The following CERS6 variants were observed in gnomAD, a reference collection of about 807,000 sequenced individuals.
The protein encoded by CERS6 is LAG1 homolog, ceramide synthase 6.
A neutral mutation model predicts 56.8 loss-of-function variants in CERS6; 26 were observed. The ratio of observed to expected loss-of-function variants is 0.46; its 90% CI spans 0.34 to 0.63. The LOEUF (loss-of-function observed/expected upper bound fraction) is 0.63. CERS6 is among the 30% of genes least tolerant of loss of function. The pLI is 0.01. For missense variants in CERS6, 415 were observed against 467.5 expected, an observed-to-expected ratio of 0.89 and a Z score of 1.04; for synonymous variants, 164 against 173.3, an observed-to-expected ratio of 0.95 and a Z score of 0.42.
intron 3 of CERS6, among the ~76,000 whole-genome samples, chr2:168,592,083 G>C (rs1302389754): frequency 6.6e-6 from 1 of 152,164 alleles, no homozygotes; most frequent in Non-Finnish European, 1.5e-5. Flanking sequence ...GGATTTAGGA[G>C]GGGGGATGAG....
At chr2:168,718,076 T>A in intron 8 of CERS6, 98 bp downstream of exon 8, 3 of 809,252 alleles carry the variant, frequency 3.7e-6, no homozygotes, top group Non-Finnish European at 4.0e-6. Flanking sequence ...TTTACAGGTT[T>A]AAATATATTG....
intron 4 of CERS6, among the ~76,000 whole-genome samples, chr2:168,652,149 G>A (rs1178271518): frequency 2.0e-5 from 3 of 151,300 alleles, no homozygotes; most frequent in Non-Finnish European, 4.4e-5. Context: ...GGGCTGTTAC[G>A]ACTCTAATCA....
intron 5 of CERS6, among the ~76,000 whole-genome samples, chr2:168,694,731 G>T (rs577235377): frequency 6.6e-6 from 1 of 152,118 alleles, no homozygotes; most frequent in African/African-American, 2.4e-5. Context: ...CCAAATGTTC[G>T]TGCTAATTAA....
intron 6 of CERS6, among the ~76,000 whole-genome samples, chr2:168,696,266 C>T (rs1036521178): frequency 2.0e-5 from 3 of 152,142 alleles, no homozygotes; most frequent in Non-Finnish European, 2.9e-5. Context: ...TCTTGTTCTT[C>T]TCCAGTAACC....
intron 1 of CERS6, among the ~76,000 whole-genome samples, chr2:168,489,707 A>T (rs918763323): frequency 1.3e-5 from 2 of 151,994 alleles, no homozygotes; most frequent in African/African-American, 4.8e-5. Flanking sequence ...TTATTTCCAC[A>T]ATATGCACTT....
chr2:168,704,641 T>A (rs1018649752), intron 6 of CERS6, among the ~76,000 whole-genome samples: 5 of 152,158 alleles, frequency 3.3e-5, no homozygotes, highest in African/African-American at 7.2e-5. Flanking sequence ...GAGTCTCGCT[T>A]TGTCGCCCAG....
At position 168,717,826 on chromosome 2, in the gene CERS6, T is replaced by C. The variant is rs771738393; in HGVS notation, c.739-46T>C. The C allele has an allele frequency of 4.2e-6, 6 of 1,420,626 alleles. No individual in the cohort carries two copies. In the East Asian group the frequency reaches 1.4e-4, roughly 32 times the overall value. The allele number at this position is 1,420,626 out of a possible 1,614,324, so 88.0% of individuals were successfully genotyped here. A position where few individuals can be genotyped will look rare whatever the true frequency, so the allele number is the denominator to read the frequency against. ...CATGCATATTGAAAGAAACTTTTTA[T>C]TATCAGTTTAACTACATTAATATAT... On this transcript the variant is annotated intron_variant, in intron 7 of 9. Coordinates refer to ENST00000305747, the MANE Select transcript of CERS6 (RefSeq NM_203463.3).
At chr2:168,752,178 G>A (rs1451340497) in intron 8 of CERS6, among the ~76,000 whole-genome samples, 1 of 152,026 alleles carries the variant, frequency 6.6e-6, no homozygotes, top group Non-Finnish European at 1.5e-5. Flanking sequence ...TGGTGGCACA[G>A]CTGTAATTCC....
At chr2:168,583,528 A>G (rs780672447) in intron 3 of CERS6, among the ~76,000 whole-genome samples, 9 of 152,194 alleles carry the variant, frequency 5.9e-5, no homozygotes, top group Non-Finnish European at 1.0e-4. Flanking sequence ...ACCACATGCT[A>G]TGAGCTCAGG....
intron 8 of CERS6, among the ~76,000 whole-genome samples, chr2:168,746,849 G>A (rs1207568793): frequency 2.7e-5 from 3 of 110,154 alleles, no homozygotes; most frequent in Admixed American, 1.0e-4. Context: ...ATGATTATAT[G>A]CATTTATATA....
At chr2:168,509,954 T>G (rs964328558) in intron 1 of CERS6, among the ~76,000 whole-genome samples, 2 of 152,198 alleles carry the variant, frequency 1.3e-5, no homozygotes, top group Admixed American at 1.3e-4. Flanking sequence ...GTTGTTTTAG[T>G]TTCCAAACTG....
chr2:168,644,585 T>C (rs1487407102), intron 4 of CERS6, among the ~76,000 whole-genome samples: 1 of 152,148 alleles, frequency 6.6e-6, no homozygotes, highest in Non-Finnish European at 1.5e-5. Context: ...CCATGCTCCT[T>C]GTTGTCCCTG....
At chr2:168,714,464 T>C (rs1687177496) in intron 6 of CERS6, among the ~76,000 whole-genome samples, 1 of 152,162 alleles carries the variant, frequency 6.6e-6, no homozygotes, top group Admixed American at 6.5e-5. Flanking sequence ...GCCCCAATCA[T>C]TAGTAGTCAG....
intron 4 of CERS6, among the ~76,000 whole-genome samples, chr2:168,655,280 G>A (rs1485288699): frequency 6.6e-6 from 1 of 152,146 alleles, no homozygotes; most frequent in African/African-American, 2.4e-5. Context: ...CACTGGTTTG[G>A]GAATGTAGAT....
In CERS6 at chr2:168,758,835, T is replaced by C. The variant is rs939932539; in HGVS notation, c.846-6757T>C. Among the ~76,000 whole-genome samples, 4 of 152,222 alleles carry C rather than the reference T, an allele frequency of 2.6e-5. No homozygotes were observed. In the East Asian group the frequency reaches 7.7e-4, roughly 29 times the overall value. Reference sequence around the variant, plus strand: ...ACTGCGCTCTGTGACATTATGAGACTGCAGTCCTCAGGTTGCAGGGTAAAG... The same window carrying C: ...ACTGCGCTCTGTGACATTATGAGACCGCAGTCCTCAGGTTGCAGGGTAAAG... On this transcript the variant is annotated intron_variant, in intron 8 of 9. Transcript: ENST00000305747.
At chr2:168,612,170 A>T (rs1179279776) in intron 3 of CERS6, among the ~76,000 whole-genome samples, 2 of 152,194 alleles carry the variant, frequency 1.3e-5, no homozygotes, top group African/African-American at 2.4e-5. Context: ...GCAGATGAGA[A>T]AGAGGCATAG....
In CERS6 at chr2:168,659,467, A is replaced by G. The variant is rs76669848; in HGVS notation, c.465+28425A>G. 3.6e-3 allele frequency among the ~76,000 whole-genome samples: 551 copies of G among 152,352 alleles called. 2 individuals carry two copies. Among genetic ancestry groups the G allele is most frequent in the Non-Finnish European group, 6.6e-3 (448 of 68,040 alleles). On this transcript the variant is annotated intron_variant, in intron 4 of 9. Transcript: ENST00000305747. ...TATTTTAAATAATGGAATCATGCTA[A>G]TACACATTGTTCATCAGATTACTTT... is the stretch of plus-strand genomic sequence containing the variant.
chr2:168,730,098 G>T (rs1464820108), intron 8 of CERS6, among the ~76,000 whole-genome samples: 1 of 152,154 alleles, frequency 6.6e-6, no homozygotes, highest in Non-Finnish European at 1.5e-5. Context: ...ATACGGAATC[G>T]GCCCAGTCGA....
At chr2:168,755,053 A>C (rs1378201553) in intron 8 of CERS6, among the ~76,000 whole-genome samples, 1 of 152,198 alleles carries the variant, frequency 6.6e-6, no homozygotes, top group East Asian at 1.9e-4. Context: ...TACAGGCGTG[A>C]GCCACCATGC....
Sources: allele counts gnomAD v4.1 joint callset (sites outside exome capture counted in the v4.1 genomes callset), GRCh38; gene constraint gnomAD v4.1.1; transcripts MANE v1.5; gene names NCBI Gene and HGNC (gene_info 2026-07-23, HGNC 2026-07-21).